RAB6A: variants seen among roughly 807,000 people sequenced by gnomAD.
RAB6A encodes the protein ras-related protein Rab-6A.
In RAB6A, 8 loss-of-function variants were observed where a neutral mutation model predicts 32.3. The ratio of observed to expected loss-of-function variants is 0.25; its 90% CI spans 0.15 to 0.45. RAB6A has a LOEUF of 0.45. Ranked by LOEUF, RAB6A falls within the 20% of genes least tolerant of loss-of-function variation. The probability of loss-of-function intolerance (pLI) is 1.00; values close to 1 mark genes in which losing one functional copy is unlikely to be tolerated. For synonymous variants in RAB6A, 73 were observed against 82.1 expected (o/e 0.89, Z 0.60); for missense variants, 104 against 249.4 (o/e 0.42, Z 3.93).
At chr11:73,678,346 G>A (rs1433096622) in intron 7 of RAB6A, among the ~76,000 whole-genome samples, 6 of 152,206 alleles carry the variant, frequency 3.9e-5, no homozygotes, top group African/African-American at 7.2e-5. Context: ...GCCGGGTGCC[G>A]TGGCTCATGC....
rs1224999960 is a variant in RAB6A, at chr11:73,760,893, C to T, written c.-258G>A. ...GGAAGGAGGGCGGTGTCGGCAGGAGCCAGGGGTGTCCTCTGGCTTCCCAAA... is the reference window on the plus strand; with the variant it reads ...GGAAGGAGGGCGGTGTCGGCAGGAGTCAGGGGTGTCCTCTGGCTTCCCAAA... On this transcript the variant is annotated 5_prime_UTR_variant, in exon 1 of 8. Transcript: ENST00000336083. The T allele has an allele frequency of 6.6e-6, 3 of 457,134 alleles. No homozygotes were observed. Among genetic ancestry groups the T allele is most frequent in the Non-Finnish European group, 1.2e-5 (3 of 248,694 alleles). The allele number at this position is 457,134 out of a possible 1,614,324, so 28.3% of individuals were successfully genotyped here.
intron 1 of RAB6A, among the ~76,000 whole-genome samples, chr11:73,753,150 T>C (rs1946693553): frequency 6.6e-6 from 1 of 151,768 alleles, no homozygotes; most frequent in South Asian, 2.1e-4. Flanking sequence ...CTCCAGAGGC[T>C]GAGGTGGGAG....
At chr11:73,751,399 T>C (rs557498478) in intron 1 of RAB6A, among the ~76,000 whole-genome samples, 113 of 152,234 alleles carry the variant, frequency 7.4e-4, no homozygotes, top group African/African-American at 2.7e-3. Context: ...GTAATTGACC[T>C]AAAAGACTCA....
intron 1 of RAB6A, among the ~76,000 whole-genome samples, chr11:73,732,486 T>C (rs1277154736): frequency 1.3e-5 from 2 of 152,168 alleles, no homozygotes; most frequent in African/African-American, 4.8e-5. Flanking sequence ...CTTGGGACGC[T>C]GAGGCAGGAG....
At chr11:73,714,209 AATAT>A (rs1555059763) in intron 5 of RAB6A, among the ~76,000 whole-genome samples, 11 of 57,574 alleles carry the variant, frequency 1.9e-4, no homozygotes, top group South Asian at 1.3e-3. Flanking sequence ...AAAAAAAAAA[AATAT>A]ATATATATAT....
intron 6 of RAB6A, among the ~76,000 whole-genome samples, chr11:73,681,688 A>AT (rs1261534680): frequency 1.3e-5 from 2 of 152,192 alleles, no homozygotes; most frequent in Non-Finnish European, 2.9e-5. Context: ...GCATGCCCGT[A>AT]ATCCCAGCTA....
In RAB6A at chr11:73,712,494, G is replaced by A. The variant is rs546828320; in HGVS notation, c.401+3757C>T. Among the ~76,000 whole-genome samples the A allele has an allele frequency of 3.3e-5, 5 of 152,212 alleles. No homozygotes were observed. The East Asian group carries it at 9.7e-4, about 29-fold the overall frequency. On this transcript the variant is annotated intron_variant, in intron 5 of 7. Coordinates refer to ENST00000336083, the MANE Select transcript of RAB6A (RefSeq NM_198896.2). The stretch of plus-strand genomic sequence containing the variant: ...GCCTCCTGAGGAGCTGGGATTACAG[G>A]CACATGCCACCACGCCCGGCTAATT...
At chr11:73,684,189 CAG>C (rs1237931380) in intron 6 of RAB6A, among the ~76,000 whole-genome samples, 1 of 134,650 alleles carries the variant, frequency 7.4e-6, no homozygotes, top group Admixed American at 7.8e-5. Context: ...TTTTCTGAGA[CAG>C]AGTTTTGCTA....
intron 6 of RAB6A, among the ~76,000 whole-genome samples, chr11:73,689,895 CAAAA>C (rs5792626): frequency 4.9e-5 from 3 of 60,954 alleles, no homozygotes; most frequent in Admixed American, 1.8e-4. Flanking sequence ...GACTCCGTCT[CAAAA>C]AAAAAAAAAA....
intron 1 of RAB6A, among the ~76,000 whole-genome samples, chr11:73,732,195 T>C (rs1202357934): frequency 6.6e-6 from 1 of 152,010 alleles, no homozygotes; most frequent in Non-Finnish European, 1.5e-5. Flanking sequence ...AGACTCAAAA[T>C]ACAAAATGAA....
Position 73,702,888 on chromosome 11 carries a change from G to A in RAB6A, c.495+4532C>T, listed in dbSNP as rs528867897. Among the ~76,000 whole-genome samples the A allele has an allele frequency of 2.7e-5, 4 of 149,960 alleles. No homozygotes were observed. In the East Asian group the frequency reaches 7.8e-4, roughly 29 times the overall value. ...TTTTTTTTTCTTGAGACAGAGTCTCGCTCTGTCACCCAGGCTGGAGTGCAG... is the reference window on the plus strand; with the variant it reads ...TTTTTTTTTCTTGAGACAGAGTCTCACTCTGTCACCCAGGCTGGAGTGCAG... On this transcript the variant is annotated intron_variant, in intron 6 of 7. Coordinates refer to ENST00000336083, the MANE Select transcript of RAB6A (RefSeq NM_198896.2).
chr11:73,727,291 T>G (rs1381699498), intron 2 of RAB6A, among the ~76,000 whole-genome samples: 3 of 151,868 alleles, frequency 2.0e-5, no homozygotes, highest in Non-Finnish European at 4.4e-5. Context: ...CTGGGAGTGG[T>G]GGCGTGTACC....
At position 73,719,622 on chromosome 11, in the gene RAB6A, T is replaced by C. The variant is rs192396464; in HGVS notation, c.184-904A>G. Among the ~76,000 whole-genome samples the C allele has an allele frequency of 2.3e-3, 356 of 152,182 alleles. 2 individuals carry two copies. The highest frequency in any genetic ancestry group is 8.1e-3 in the African/African-American group (335 of 41,542). The stretch of plus-strand genomic sequence containing the variant: ...GTCGTTTCCAAGCTTTCAAATTTTT[T>C]TTTTTTTTTTTAGACAGACTCTCAT... On this transcript the variant is annotated intron_variant, in intron 3 of 7. Transcript: ENST00000336083.
At chr11:73,700,063 T>C (rs1396584501) in intron 6 of RAB6A, among the ~76,000 whole-genome samples, 2 of 152,338 alleles carry the variant, frequency 1.3e-5, no homozygotes, top group Non-Finnish European at 2.9e-5. Flanking sequence ...CTTCTTTTTA[T>C]GATAAGTACT....
intron 1 of RAB6A, among the ~76,000 whole-genome samples, chr11:73,746,305 G>A (rs1946587775): frequency 6.6e-6 from 1 of 152,032 alleles, no homozygotes; most frequent in South Asian, 2.1e-4. Flanking sequence ...TGATTTATAT[G>A]CTTCTATGTA....
intron 1 of RAB6A, among the ~76,000 whole-genome samples, chr11:73,741,164 T>A (rs768373993): frequency 5.0e-5 from 7 of 139,640 alleles, no homozygotes; most frequent in Non-Finnish European, 9.2e-5. Context: ...CCCAACAGAG[T>A]CTTGCTCTGT....
At chr11:73,739,508 T>C (rs58756845) in intron 1 of RAB6A, among the ~76,000 whole-genome samples, 3,578 of 148,852 alleles carry the variant, frequency 0.024, 147 homozygotes, top group African/African-American at 0.087. Context: ...ATCAGGGTCT[T>C]GTTCTGTCTC....
intron 1 of RAB6A, among the ~76,000 whole-genome samples, chr11:73,731,684 T>TTATATATATATATA (rs1157961323): frequency 6.9e-5 from 1 of 14,520 alleles, no homozygotes; most frequent in African/African-American, 1.9e-4. Flanking sequence ...TAGATAGATA[T>TTATATATATATATA]TATATATATA....
intron 2 of RAB6A, chr11:73,729,413 C>G (rs1055244776): frequency 1.3e-5 from 2 of 152,156 alleles, no homozygotes; most frequent in African/African-American, 4.8e-5. Flanking sequence ...CTTTTTATTT[C>G]TGTATGGTTG....
Sources: allele counts gnomAD v4.1 joint callset (sites outside exome capture counted in the v4.1 genomes callset), GRCh38; gene constraint gnomAD v4.1.1; transcripts MANE v1.5; gene names NCBI Gene and HGNC (gene_info 2026-07-23, HGNC 2026-07-21).